Variants in ATF6 observed in about 807,000 individuals in gnomAD.
ATF6 encodes activating transcription factor 6.
In ATF6, 53 loss-of-function variants were observed where a neutral mutation model predicts 83.6. That is an observed-to-expected ratio of 0.63 (90% CI 0.51 to 0.80). The LOEUF is 0.80. Among genes scored for constraint, ATF6 ranks in the 30% least tolerant of loss-of-function variants. The probability of loss-of-function intolerance (pLI) is 0.00; values close to 1 mark genes in which losing one functional copy is unlikely to be tolerated. For synonymous variants in ATF6, 288 were observed against 285.8 expected (o/e 1.01, Z -0.08); for missense variants, 744 against 797.9 (o/e 0.93, Z 0.81).
intron 14 of ATF6, among the ~76,000 whole-genome samples, chr1:161,908,610 C>T (rs1687924527): frequency 7.7e-6 from 1 of 129,074 alleles, no homozygotes; most frequent in Non-Finnish European, 1.5e-5. Flanking sequence ...CACATGATTT[C>T]ATTCCAGAGG....
intron 15 of ATF6, among the ~76,000 whole-genome samples, chr1:161,946,006 TTTG>T (rs1688740760): frequency 6.6e-6 from 1 of 152,036 alleles, no homozygotes; most frequent in Non-Finnish European, 1.5e-5. Context: ...TTTGTTTTGT[TTTG>T]TTTTCTTTTG....
At chr1:161,838,079 G>C (rs1686267058) in intron 9 of ATF6, among the ~76,000 whole-genome samples, 1 of 152,194 alleles carries the variant, frequency 6.6e-6, no homozygotes. Context: ...TAGGACTTTA[G>C]TAACTCTGCC....
intron 9 of ATF6, among the ~76,000 whole-genome samples, chr1:161,829,346 C>G (rs1230858221): frequency 6.6e-6 from 1 of 151,856 alleles, no homozygotes; most frequent in East Asian, 1.9e-4. Flanking sequence ...TTAGACAGAT[C>G]AACGAGACAG....
rs139765022 is a variant in ATF6 at position 161,946,957 on chromosome 1, C to T, written c.1805-11489C>T. On this transcript the variant is annotated intron_variant, in intron 15 of 15. Transcript: ENST00000367942. ...ATTCACTGTTCAATTTTCTAAAATA[C>T]CATTTGGCTTCTTACCTACAGAGCT... Among the ~76,000 whole-genome samples, 24 of 152,244 alleles carry T rather than the reference C, an allele frequency of 1.6e-4. 1 individual carries two copies. The East Asian group carries it at 3.9e-3, about 24-fold the overall frequency.
At chr1:161,923,906 G>C (rs1688261292) in intron 15 of ATF6, among the ~76,000 whole-genome samples, 1 of 152,148 alleles carries the variant, frequency 6.6e-6, no homozygotes, top group Non-Finnish European at 1.5e-5. Flanking sequence ...TCAAACAGAT[G>C]GTTTAGCTTT....
chr1:161,950,642 C>T (rs1290937093), intron 15 of ATF6, among the ~76,000 whole-genome samples: 1 of 152,160 alleles, frequency 6.6e-6, no homozygotes, highest in East Asian at 1.9e-4. Flanking sequence ...GGCTAAACCT[C>T]CAAGCTGTGT....
intron 10 of ATF6, among the ~76,000 whole-genome samples, chr1:161,851,141 T>TACAC (rs35398462): frequency 0.2 from 27,261 of 135,626 alleles, 3,689 homozygotes; most frequent in East Asian, 0.29. Context: ...ATCCTTAACA[T>TACAC]ACACACACAC....
chr1:161,791,062 ATGTGTGTGTG>A lies in ATF6; in HGVS notation c.355-334_355-325del, dbSNP rs72157843. Among the ~76,000 whole-genome samples, 795 of 137,308 alleles carry A rather than the reference ATGTGTGTGTG, an allele frequency of 5.8e-3. 2 individuals carry two copies. Among genetic ancestry groups the A allele is most frequent in the Non-Finnish European group, 9.4e-3 (622 of 66,332 alleles). 90.1% of individuals were successfully genotyped at this position (137,308 alleles called of 152,430 possible). On this transcript the variant is annotated intron_variant, in intron 4 of 15. Transcript: ENST00000367942. ...TGTATGACTACGAACCAAGTTTTAT[ATGTGTGTGTG>A]TGTGTGTGTGTCTCTGTGTGTGTGT...
chr1:161,950,373 G>A (rs1357432838), intron 15 of ATF6, among the ~76,000 whole-genome samples: 1 of 152,156 alleles, frequency 6.6e-6, no homozygotes, highest in Non-Finnish European at 1.5e-5. Context: ...CAATTAAAGA[G>A]CCATAGTTTT....
At chr1:161,919,600 C>T (rs1012765988) in intron 15 of ATF6, among the ~76,000 whole-genome samples, 1 of 152,152 alleles carries the variant, frequency 6.6e-6, no homozygotes, top group African/African-American at 2.4e-5. Context: ...AAGCCATCAG[C>T]AGATATGTTT....
chr1:161,883,311 C>T (rs1033933604), intron 14 of ATF6, among the ~76,000 whole-genome samples: 9 of 151,980 alleles, frequency 5.9e-5, no homozygotes, highest in Non-Finnish European at 1.3e-4. Context: ...TCTATATAAT[C>T]TCTTCTAATA....
intron 15 of ATF6, among the ~76,000 whole-genome samples, chr1:161,941,750 A>T (rs1287754845): frequency 6.6e-6 from 1 of 152,214 alleles, no homozygotes; most frequent in African/African-American, 2.4e-5. Context: ...AACTTGTCTT[A>T]AAAATGAAAA....
intron 12 of ATF6, among the ~76,000 whole-genome samples, chr1:161,858,356 T>A (rs967165901): frequency 6.6e-6 from 1 of 151,884 alleles, no homozygotes; most frequent in Admixed American, 6.6e-5. Context: ...AAAGGAAAGA[T>A]CCAACTATAT....
intron 15 of ATF6, among the ~76,000 whole-genome samples, chr1:161,935,069 C>T (rs976933408): frequency 6.6e-6 from 1 of 152,142 alleles, no homozygotes; most frequent in African/African-American, 2.4e-5. Context: ...TCACAAAGCT[C>T]TTTAGATTAG....
At chr1:161,818,100 C>CA (rs778851235) in intron 7 of ATF6, among the ~76,000 whole-genome samples, 19,096 of 79,314 alleles carry the variant, frequency 0.24, 1,578 homozygotes, top group Middle Eastern at 0.39. Flanking sequence ...GACTCCATCT[C>CA]AAAAAAAAAA....
At chr1:161,776,809 G>A (rs1460049268) in intron 1 of ATF6, among the ~76,000 whole-genome samples, 5 of 152,158 alleles carry the variant, frequency 3.3e-5, no homozygotes, top group Non-Finnish European at 5.9e-5. Flanking sequence ...GGTTGGAGAT[G>A]TATATTTGGA....
At chr1:161,932,412 A>G (rs1688452314) in intron 15 of ATF6, among the ~76,000 whole-genome samples, 2 of 152,118 alleles carry the variant, frequency 1.3e-5, no homozygotes, top group Non-Finnish European at 2.9e-5. Context: ...TTTGATTTCT[A>G]TAGCCTTTTG....
chr1:161,943,328 C>T (rs1688688622), intron 15 of ATF6, among the ~76,000 whole-genome samples: 1 of 152,130 alleles, frequency 6.6e-6, no homozygotes, highest in Non-Finnish European at 1.5e-5. Context: ...CAGTCCTGCC[C>T]CCTTGTGAAA....
chr1:161,830,878 A>G (rs1280349583), intron 9 of ATF6, among the ~76,000 whole-genome samples: 2 of 152,264 alleles, frequency 1.3e-5, no homozygotes, highest in South Asian at 2.1e-4. Context: ...CATTCAGGAC[A>G]TAGGCAAGGG....
Sources: allele counts gnomAD v4.1 joint callset (sites outside exome capture counted in the v4.1 genomes callset), GRCh38; gene constraint gnomAD v4.1.1; transcripts MANE v1.5; gene names NCBI Gene and HGNC (gene_info 2026-07-23, HGNC 2026-07-21).